The following PCSK5 variants were observed in gnomAD, a reference collection of about 807,000 sequenced individuals.
The protein encoded by PCSK5 is proprotein convertase subtilisin/kexin type 5.
PCSK5 carries 129 observed loss-of-function variants against 233.2 expected under a neutral mutation model. The ratio of observed to expected loss-of-function variants is 0.55; its 90% confidence interval spans 0.48 to 0.64. The LOEUF is 0.64. PCSK5 is among the 30% of genes least tolerant of loss of function. The probability of loss-of-function intolerance (pLI) is 0.00; values close to 1 mark genes in which losing one functional copy is unlikely to be tolerated. For synonymous variants in PCSK5, 825 were observed against 879.2 expected (o/e 0.94, Z 1.09); for missense variants, 2,076 against 2,430.1 (o/e 0.85, Z 3.06).
At chr9:76,097,124 G>C (rs1478551306) in intron 8 of PCSK5, among the ~76,000 whole-genome samples, 1 of 150,622 alleles carries the variant, frequency 6.6e-6, no homozygotes, top group Non-Finnish European at 1.5e-5. Context: ...GCAGAGGCAG[G>C]GTTTCACAGT....
chr9:75,997,645 A>G (rs1470570218), intron 3 of PCSK5, among the ~76,000 whole-genome samples: 4 of 152,236 alleles, frequency 2.6e-5, no homozygotes, highest in Admixed American at 6.5e-5. Context: ...GCTTAATTGC[A>G]TAAGTCAGAA....
At chr9:76,007,310 T>C (rs1421565162) in intron 3 of PCSK5, among the ~76,000 whole-genome samples, 1 of 152,218 alleles carries the variant, frequency 6.6e-6, no homozygotes, top group Non-Finnish European at 1.5e-5. Context: ...TTGCAAATTT[T>C]TTAGTAGAAT....
chr9:76,333,254 C>A (rs1406309414), intron 34 of PCSK5, among the ~76,000 whole-genome samples: 1 of 152,190 alleles, frequency 6.6e-6, no homozygotes, highest in African/African-American at 2.4e-5. Context: ...CAGAGAAGCC[C>A]AAGATCATTA....
intron 35 of PCSK5, among the ~76,000 whole-genome samples, chr9:76,342,798 T>C (rs10869754): frequency 0.39 from 58,789 of 151,472 alleles, 11,910 homozygotes; most frequent in East Asian, 0.75. Flanking sequence ...TGCTCCCTAT[T>C]GGGATAAATG....
chr9:75,929,740 G>A (rs1469510209), intron 1 of PCSK5, among the ~76,000 whole-genome samples: 1 of 152,114 alleles, frequency 6.6e-6, no homozygotes, highest in Non-Finnish European at 1.5e-5. Flanking sequence ...ACAGTTCCAC[G>A]TAGCTGGGGA....
chr9:76,239,116 CT>C lies in PCSK5; in HGVS notation c.3026del (p.Phe1009SerfsTer2). The C allele has an allele frequency of 6.2e-7, 1 of 1,601,510 alleles. No individual in the cohort carries two copies. Among genetic ancestry groups the C allele is most frequent in the Non-Finnish European group, 8.5e-7 (1 of 1,174,490 alleles). On this transcript the variant is annotated frameshift_variant, in exon 23 of 38. Coordinates refer to ENST00000674117, the MANE Select transcript of PCSK5 (RefSeq NM_001372043.1). LOFTEE classifies it high-confidence loss of function. ...TCTGCACAAGATGCATGAAGGGCTA[CT>C]TCATAGCGCCCACCAACCACACATG... The part of the protein sequence containing the change: ...HVCTRCMKGY[F>X]IAPTNHTCQK...
chr9:76,151,792 A>G (rs1823682446), intron 10 of PCSK5, among the ~76,000 whole-genome samples: 1 of 152,174 alleles, frequency 6.6e-6, no homozygotes, highest in African/African-American at 2.4e-5. Flanking sequence ...ACTTACAGTA[A>G]TTATGCAGTT....
At chr9:76,067,437 G>C (rs1436003460) in intron 5 of PCSK5, among the ~76,000 whole-genome samples, 1 of 152,092 alleles carries the variant, frequency 6.6e-6, no homozygotes, top group Non-Finnish European at 1.5e-5. Flanking sequence ...GAAATCCACT[G>C]TTTATTTAAA....
intron 30 of PCSK5, among the ~76,000 whole-genome samples, chr9:76,318,140 C>A (rs1045264073): frequency 6.6e-6 from 1 of 152,162 alleles, no homozygotes; most frequent in Non-Finnish European, 1.5e-5. Context: ...ACCAAAGAAA[C>A]CTCATCTAAG....
chr9:75,902,216 A>T (rs1423007077), intron 1 of PCSK5, among the ~76,000 whole-genome samples: 3 of 77,722 alleles, frequency 3.9e-5, no homozygotes, highest in Admixed American at 1.3e-4. Flanking sequence ...ACACCATCTA[A>T]AAAAAAAAAA....
chr9:76,118,972 G>A (rs1337803441), intron 9 of PCSK5, among the ~76,000 whole-genome samples: 2 of 151,304 alleles, frequency 1.3e-5, no homozygotes, highest in Non-Finnish European at 3.0e-5. Flanking sequence ...CCTCCCATTT[G>A]TTTTTTTAAA....
rs1823122278 is a variant in PCSK5 at position 75,918,929 on chromosome 9, C to G, written c.193-13450C>G. ...TTGCATTACCTTTCCAACTAGCTCT[C>G]TTGATGACAGGGCTTTTCTCTGTAG... On this transcript the variant is annotated intron_variant, in intron 1 of 37. Transcript: ENST00000674117. 2.0e-5 allele frequency among the ~76,000 whole-genome samples: 3 copies of G among 152,122 alleles called. No homozygotes were observed. The South Asian group carries it at 6.2e-4, about 31-fold the overall frequency.
chr9:76,308,739 T>A lies in PCSK5; in HGVS notation c.3688+11T>A. 1 of 1,578,450 alleles carries A rather than the reference T, an allele frequency of 6.3e-7. No homozygotes were observed. Among genetic ancestry groups the A allele is most frequent in the Non-Finnish European group, 8.7e-7 (1 of 1,149,360 alleles). ...CTTCATGTCCCAAAGGTTAGTGTGT[T>A]GCGTGACAGAAGATGGCAGCAGTCA... On this transcript the variant is annotated intron_variant, in intron 29 of 37. Transcript: ENST00000674117.
At chr9:76,205,289 A>T (rs975035950) in intron 20 of PCSK5, 3 of 512,664 alleles carry the variant, frequency 5.9e-6, no homozygotes, top group African/African-American at 5.8e-5. Flanking sequence ...TGGAGAATGA[A>T]GACCCGCCTA....
chr9:76,095,681 T>C (rs1831480767), intron 7 of PCSK5, among the ~76,000 whole-genome samples: 2 of 152,358 alleles, frequency 1.3e-5, no homozygotes, highest in South Asian at 4.1e-4. Flanking sequence ...GCCATTATTA[T>C]TGTCATTATG....
chr9:75,894,396 T>C (rs1221606550), intron 1 of PCSK5, among the ~76,000 whole-genome samples: 1 of 152,018 alleles, frequency 6.6e-6, no homozygotes, highest in African/African-American at 2.4e-5. Flanking sequence ...AAAAAAAAGA[T>C]GGGATGTGCA....
At chr9:76,104,697 G>A (rs1425550757) in intron 8 of PCSK5, among the ~76,000 whole-genome samples, 1 of 152,184 alleles carries the variant, frequency 6.6e-6, no homozygotes, top group East Asian at 1.9e-4. Flanking sequence ...GTTTATTCTG[G>A]ATTTGTTTCT....
intron 10 of PCSK5, among the ~76,000 whole-genome samples, chr9:76,152,598 T>C (rs1379185146): frequency 6.6e-6 from 1 of 152,208 alleles, no homozygotes; most frequent in Non-Finnish European, 1.5e-5. Context: ...CCTTATAGAG[T>C]GATTTACTAA....
chr9:76,105,528 A>G (rs1253272810), intron 8 of PCSK5, among the ~76,000 whole-genome samples: 1 of 152,252 alleles, frequency 6.6e-6, no homozygotes, highest in East Asian at 1.9e-4. Context: ...TGTATGTTAT[A>G]TGTTTTTTAA....
Sources: allele counts gnomAD v4.1 joint callset (sites outside exome capture counted in the v4.1 genomes callset), GRCh38; gene constraint gnomAD v4.1.1; transcripts MANE v1.5; gene names NCBI Gene and HGNC (gene_info 2026-07-23, HGNC 2026-07-21).